TPH1: variants seen among roughly 807,000 people sequenced by gnomAD.
The protein encoded by TPH1 is tryptophan 5-hydroxylase 1.
In TPH1, 37 loss-of-function variants were observed where a neutral mutation model predicts 49.5. The observed-to-expected ratio is 0.75, with a 90% CI of 0.58 to 0.98. The LOEUF (loss-of-function observed/expected upper bound fraction) is 0.98, where lower values mean the gene tolerates loss of function less well. Ranked by LOEUF, TPH1 falls within the 50% of genes least tolerant of loss-of-function variation. The pLI is 0.00. For synonymous variants in TPH1, 160 were observed against 182.1 expected (o/e 0.88, Z 0.98); for missense variants, 487 against 523.6 (o/e 0.93, Z 0.68).
chr11:18,037,364 A>T lies in TPH1; in HGVS notation c.118-1222T>A, dbSNP rs950809553. On this transcript the variant is annotated intron_variant, in intron 2 of 10. Transcript: ENST00000682019. Reference sequence around the variant, plus strand: ...CAAAGTGAGACCCTTTCTCAAAAAAAAAAAAAAAAATATTATCAGGGAACA... The same window carrying T: ...CAAAGTGAGACCCTTTCTCAAAAAATAAAAAAAAAATATTATCAGGGAACA... 1.2e-3 allele frequency among the ~76,000 whole-genome samples: 177 copies of T among 152,140 alleles called. 6 individuals carry two copies. The East Asian group carries it at 0.033, about 29-fold the overall frequency.
chr11:18,045,034 G>A (rs1045628216), intron 1 of TPH1, among the ~76,000 whole-genome samples: 1 of 152,198 alleles, frequency 6.6e-6, no homozygotes, highest in Non-Finnish European at 1.5e-5. Flanking sequence ...CGACCCTTGG[G>A]AGAGGTCAAG....
At chr11:18,043,296 T>A (rs1418618694) in intron 1 of TPH1, among the ~76,000 whole-genome samples, 2 of 152,150 alleles carry the variant, frequency 1.3e-5, no homozygotes, top group Non-Finnish European at 2.9e-5. Context: ...GAGCTTGGAA[T>A]AAAACTCTTC....
intron 2 of TPH1, 93 bp from the exon 3 acceptor site, chr11:18,036,235 T>G: frequency 1.1e-6 from 1 of 927,616 alleles, no homozygotes; most frequent in South Asian, 1.4e-5. Context: ...AAAATCAGAT[T>G]CACACTTCTC....
chr11:18,043,935 A>G (rs527240160), intron 1 of TPH1, among the ~76,000 whole-genome samples: 5 of 151,794 alleles, frequency 3.3e-5, no homozygotes, highest in African/African-American at 1.2e-4. Flanking sequence ...GGAAGTTGCT[A>G]TTGTGAGAAG....
chr11:18,045,670 TC>T (rs1848134503), intron 1 of TPH1, among the ~76,000 whole-genome samples: 2 of 152,182 alleles, frequency 1.3e-5, no homozygotes, highest in Admixed American at 6.5e-5. Context: ...AAGGACCTAG[TC>T]CTCTTTGTCA....
intron 9 of TPH1, 50 bp downstream of exon 9, chr11:18,023,838 T>C (rs772889491): frequency 6.9e-7 from 1 of 1,439,836 alleles, no homozygotes; most frequent in Non-Finnish European, 9.8e-7. Flanking sequence ...TCAGGTTTTA[T>C]CAATTATGTT....
At position 18,018,938 on chromosome 11, in the gene TPH1, T is replaced by A. The variant is rs1289212359; in HGVS notation, c.*2053A>T. 2 of 152,142 alleles carry A rather than the reference T, an allele frequency of 1.3e-5. No homozygotes were observed. The highest frequency in any genetic ancestry group is 6.5e-5 in the Admixed American group (1 of 15,276). The allele number at this position is 152,142 out of a possible 1,614,324, so 9.4% of individuals were successfully genotyped here. A position where few individuals can be genotyped will look rare whatever the true frequency, so the allele number is the denominator to read the frequency against. ...TACATGTTCTAAGATTTGCTTTTTT[T>A]AATTTCTTTTTTTCTACATGTTCTA... On this transcript the variant is annotated 3_prime_UTR_variant, in exon 11 of 11. Coordinates refer to ENST00000682019, the MANE Select transcript of TPH1 (RefSeq NM_004179.3).
intron 8 of TPH1, among the ~76,000 whole-genome samples, chr11:18,024,347 T>A (rs1002235270): frequency 6.6e-6 from 1 of 152,194 alleles, no homozygotes; most frequent in African/African-American, 2.4e-5. Context: ...TACAAATAAC[T>A]ATATTATACA....
At position 18,020,427 on chromosome 11, in the gene TPH1, G is replaced by T. The variant is rs1854345754; in HGVS notation, c.*564C>A. On this transcript the variant is annotated 3_prime_UTR_variant, in exon 11 of 11. Transcript: ENST00000682019. ...AACTAGACTACTTGCTCTTTACTAGGTATCCTCCATGTGCAAAGGCCTCTA... is the reference window on the plus strand; with the variant it reads ...AACTAGACTACTTGCTCTTTACTAGTTATCCTCCATGTGCAAAGGCCTCTA... 1 of 156,290 alleles carries T rather than the reference G, an allele frequency of 6.4e-6. No individual in the cohort carries two copies. Among genetic ancestry groups the T allele is most frequent in the Non-Finnish European group, 1.4e-5 (1 of 70,656 alleles). The allele number at this position is 156,290 out of a possible 1,614,324, so 9.7% of individuals were successfully genotyped here.
chr11:18,022,643 T>C (rs1854375968), intron 10 of TPH1, among the ~76,000 whole-genome samples, 155 bp downstream of exon 10: 1 of 152,230 alleles, frequency 6.6e-6, no homozygotes, highest in Non-Finnish European at 1.5e-5. Flanking sequence ...ATATACAACA[T>C]ACTCTAGATA....
chr11:18,044,846 A>G (rs987686819), intron 1 of TPH1, among the ~76,000 whole-genome samples: 2 of 152,324 alleles, frequency 1.3e-5, no homozygotes, highest in East Asian at 1.9e-4. Flanking sequence ...TCATCAATAC[A>G]TAAGCATTTT....
chr11:18,026,226 AT>A (rs1372737766), intron 7 of TPH1, among the ~76,000 whole-genome samples: 1 of 151,950 alleles, frequency 6.6e-6, no homozygotes, highest in African/African-American at 2.4e-5. Flanking sequence ...TTTGTGTCTG[AT>A]TTTTTTCAGT....
intron 1 of TPH1, among the ~76,000 whole-genome samples, chr11:18,044,959 G>A (rs930667643): frequency 2.0e-5 from 3 of 152,188 alleles, no homozygotes; most frequent in African/African-American, 7.2e-5. Flanking sequence ...AGGATGCACT[G>A]TGTAGGACAT....
At chr11:18,035,351 TTGTC>T (rs142340876) in intron 3 of TPH1, among the ~76,000 whole-genome samples, 1,745 of 152,142 alleles carry the variant, frequency 0.011, 38 homozygotes, top group African/African-American at 0.039. Context: ...TTATGCCAAA[TTGTC>T]TGTCTTTCTT....
intron 8 of TPH1, among the ~76,000 whole-genome samples, chr11:18,025,014 T>G (rs1213640944): frequency 6.6e-6 from 1 of 152,202 alleles, no homozygotes; most frequent in Non-Finnish European, 1.5e-5. Flanking sequence ...CAATGTGAAC[T>G]TTGCTATAGG....
At chr11:18,038,089 T>C (rs1001434096) in intron 2 of TPH1, among the ~76,000 whole-genome samples, 1 of 152,198 alleles carries the variant, frequency 6.6e-6, no homozygotes, top group Non-Finnish European at 1.5e-5. Flanking sequence ...GAAAAGAAGT[T>C]GAAGAGGCCA....
chr11:18,018,665 C>CAAAAAAAAAAAAA lies in TPH1; in HGVS notation c.*2313_*2325dup, dbSNP rs57390279. ...TGGGCGACAGAGCAAGACTCCGTCT[C>CAAAAAAAAAAAAA]AAAAAAAAAAAAAAAAAAAAAAAAA... On this transcript the variant is annotated 3_prime_UTR_variant, in exon 11 of 11. Transcript: ENST00000682019. 8.4e-4 allele frequency: 31 copies of CAAAAAAAAAAAAA among 37,038 alleles called. 5 individuals are homozygous for CAAAAAAAAAAAAA. The highest frequency in any genetic ancestry group is 8.8e-4 in the African/African-American group (9 of 10,222). 2.3% of individuals were successfully genotyped at this position (37,038 alleles called of 1,614,324 possible).
intron 8 of TPH1, 51 bp downstream of exon 8, chr11:18,025,524 T>C (rs761517730): frequency 3.7e-6 from 6 of 1,611,396 alleles, no homozygotes; most frequent in Non-Finnish European, 3.4e-6. Context: ...ACTACACAGA[T>C]ACTCATACAC....
In TPH1 at chr11:18,026,773, T is replaced by TA; in HGVS notation, c.668-149dup. 3 of 977,048 alleles carry TA rather than the reference T, an allele frequency of 3.1e-6. No individual in the cohort carries two copies. In the South Asian group the frequency reaches 4.3e-5, roughly 14 times the overall value. 60.5% of individuals were successfully genotyped at this position (977,048 alleles called of 1,614,324 possible). ...CATATGCATATTAAGGGGAACTAAT[T>TA]ATTATTAAGCACTTGCTATGGCCAG... On this transcript the variant is annotated intron_variant, in intron 6 of 10. Transcript: ENST00000682019.
Sources: gnomAD v4.1 joint callset for allele counts (sites outside exome capture counted in the v4.1 genomes callset) on GRCh38, gnomAD v4.1.1 for gene constraint, MANE v1.5 for transcripts, NCBI Gene and HGNC (gene_info 2026-07-23, HGNC 2026-07-21) for gene names.